The following EXOSC10 variants were observed in gnomAD, a reference collection of about 807,000 sequenced individuals.
The protein encoded by EXOSC10 is exosome component 10.
A neutral mutation model predicts 126.6 loss-of-function variants in EXOSC10; 94 were observed. That is an observed-to-expected ratio of 0.74 (90% confidence interval 0.63 to 0.88). The LOEUF (loss-of-function observed/expected upper bound fraction) is 0.88. EXOSC10 is among the 40% of genes least tolerant of loss of function. The pLI, the probability that EXOSC10 is intolerant of heterozygous loss-of-function variation, is 0.00. For synonymous variants in EXOSC10, 395 were observed against 400.8 expected, an observed-to-expected ratio of 0.99 and a Z score of 0.17; for missense variants, 1,041 against 1,100.5, an observed-to-expected ratio of 0.95 and a Z score of 0.77.
In EXOSC10 at chr1:11,077,591, G is replaced by C. The variant is rs370705414; in HGVS notation, c.1800+10C>G. On this transcript the variant is annotated intron_variant, in intron 15 of 24. Coordinates refer to ENST00000376936, the MANE Select transcript of EXOSC10 (RefSeq NM_001001998.3). ...CCCTCCTGGGGGAGAAAACAGATCC[G>C]ACACTCTACCTCAGCACTGGGCAGC... 1.2e-6 allele frequency: 2 copies of C among 1,613,758 alleles called. No individual in the cohort carries two copies. Among genetic ancestry groups the C allele is most frequent in the Non-Finnish European group, 1.7e-6 (2 of 1,179,936 alleles).
At chr1:11,090,204 G>A (rs1249065902) in intron 6 of EXOSC10, among the ~76,000 whole-genome samples, 1 of 152,060 alleles carries the variant, frequency 6.6e-6, no homozygotes, top group Non-Finnish European at 1.5e-5. Flanking sequence ...CACCATGTTG[G>A]CCAGGCTGGT....
intron 10 of EXOSC10, among the ~76,000 whole-genome samples, chr1:11,082,036 C>T (rs1231033687): frequency 2.7e-5 from 4 of 150,234 alleles, no homozygotes; most frequent in Middle Eastern, 3.4e-3. Flanking sequence ...GAGCCGAGAT[C>T]GCGCCATTGC....
chr1:11,090,791 C>A, intron 5 of EXOSC10, 123 bp from the exon 6 acceptor site: 1 of 838,544 alleles, frequency 1.2e-6, no homozygotes, highest in South Asian at 1.8e-5. Flanking sequence ...ATGTTCTGTC[C>A]CCCAGGCTGA....
At chr1:11,085,212 C>G (rs1640423298) in intron 9 of EXOSC10, among the ~76,000 whole-genome samples, 1 of 152,286 alleles carries the variant, frequency 6.6e-6, no homozygotes, top group Admixed American at 6.5e-5. Context: ...TACAAATTAC[C>G]TTGGACAGTA....
chr1:11,099,546 T>G (rs569156217), intron 1 of EXOSC10, 175 bp downstream of exon 1: 444 of 602,974 alleles, frequency 7.4e-4, no homozygotes, highest in Non-Finnish European at 1.1e-3. Flanking sequence ...CAGTGTCCGT[T>G]TCCGAGGCCC....
chr1:11,077,308 G>A, intron 16 of EXOSC10, 57 bp downstream of exon 16: 1 of 1,549,746 alleles, frequency 6.5e-7, no homozygotes, highest in Non-Finnish European at 8.8e-7. Context: ...CAGAATTTTA[G>A]ACAAGGTAGC....
intron 16 of EXOSC10, 36 bp from the exon 17 acceptor site, chr1:11,076,984 A>T: frequency 1.3e-6 from 2 of 1,537,880 alleles, no homozygotes; most frequent in Non-Finnish European, 1.8e-6. Context: ...CAAAGCCTAC[A>T]GAATTTTGTT....
chr1:11,099,399 C>T (rs540904662), intron 1 of EXOSC10, among the ~76,000 whole-genome samples: 2 of 152,114 alleles, frequency 1.3e-5, no homozygotes, highest in Admixed American at 6.5e-5. Flanking sequence ...GAGAGCTGGT[C>T]GGGTGGCTAG....
At position 11,073,950 on chromosome 1, in the gene EXOSC10, G is replaced by T. The variant is rs369390713; in HGVS notation, c.2141C>A (p.Ser714Ter). 1.3e-6 allele frequency: 2 copies of T among 1,594,634 alleles called. No homozygotes were observed. Among genetic ancestry groups the T allele is most frequent in the Non-Finnish European group, 8.6e-7 (1 of 1,166,916 alleles). Reference protein sequence around the residue: ...PVSQAAKFDPSTKIYEISNRW... With the variant: ...PVSQAAKFDP Reference sequence around the variant, plus strand: ...TCCACTTACTTCATAGATTTTGGTTGATGGATCGAACTTCGCTGCCTGAGA... The same window carrying T: ...TCCACTTACTTCATAGATTTTGGTTTATGGATCGAACTTCGCTGCCTGAGA... The change falls in exon 19 of 25, where the codon TCA becomes TAA. Residue 714 changes from serine (S) to a stop codon, truncating the protein, a stop_gained. Transcript: ENST00000376936. LOFTEE classifies it high-confidence loss of function.
At chr1:11,070,265 T>TAA (rs35601923) in intron 21 of EXOSC10, among the ~76,000 whole-genome samples, 62,587 of 100,356 alleles carry the variant, frequency 0.62, 20,439 homozygotes, top group East Asian at 0.77. Context: ...AAAAGGAAAT[T>TAA]AAAAAAAAAA....
chr1:11,096,123 A>C (rs945751824), intron 2 of EXOSC10, among the ~76,000 whole-genome samples: 7 of 152,036 alleles, frequency 4.6e-5, no homozygotes, highest in Admixed American at 3.3e-4. Flanking sequence ...AGCTGGGATT[A>C]TAGGCACATG....
chr1:11,083,562 CAAAAAAAA>C (rs35412224), intron 9 of EXOSC10, among the ~76,000 whole-genome samples: 113 of 65,872 alleles, frequency 1.7e-3, no homozygotes, highest in African/African-American at 7.1e-3. Flanking sequence ...AACTCCGTCT[CAAAAAAAA>C]AAAAAAAAAA....
chr1:11,080,379 G>T, intron 13 of EXOSC10, 120 bp downstream of exon 13: 1 of 1,260,104 alleles, frequency 7.9e-7, no homozygotes, highest in Non-Finnish European at 1.1e-6. Context: ...TACCTTCCAA[G>T]CTTGGAGCAT....
intron 1 of EXOSC10, among the ~76,000 whole-genome samples, chr1:11,099,312 A>C (rs888361673): frequency 1.3e-5 from 2 of 152,230 alleles, no homozygotes; most frequent in African/African-American, 4.8e-5. Flanking sequence ...AAACAGAGGA[A>C]GAGAAGGGCC....
Position 11,091,599 on chromosome 1 carries a change from TA to T in EXOSC10, c.373-3del. ...TGAGGCTTCATCCAGTAAAATACCC[TA>T]AGAGTAGAAGAGGTACTGGTTAAGC... is the stretch of plus-strand genomic sequence containing the variant. On this transcript the variant is annotated splice_polypyrimidine_tract_variant and splice_region_variant and intron_variant, in intron 3 of 24. Coordinates refer to ENST00000376936, the MANE Select transcript of EXOSC10 (RefSeq NM_001001998.3). 1 of 1,611,178 alleles carries T rather than the reference TA, an allele frequency of 6.2e-7. No individual in the cohort carries two copies. The highest frequency in any genetic ancestry group is 8.5e-7 in the Non-Finnish European group (1 of 1,177,412).
rs373219143 is a variant in EXOSC10 at position 11,077,636 on chromosome 1, C to T, written c.1765G>A (p.Gly589Arg). Residue 589 changes from glycine (G) to arginine (R), a missense_variant, in exon 15 of 25, where the codon GGA becomes AGA. Around this residue, in one of 3 missense-constraint regions of EXOSC10, gnomAD observed 388 missense variants for 415.2 expected, o/e 0.93. Coordinates refer to ENST00000376936, the MANE Select transcript of EXOSC10 (RefSeq NM_001001998.3). The part of the protein sequence containing the change: ...MPLLKSEVAA[G>R]VKKSGPLPSA... Reference sequence around the variant, plus strand: ...GGCAGCGGTCCGCTCTTCTTCACTCCGGCTGCAACTTCAGACTAAGGAAAA... The same window carrying T: ...GGCAGCGGTCCGCTCTTCTTCACTCTGGCTGCAACTTCAGACTAAGGAAAA... The T allele has an allele frequency of 2.8e-5, 45 of 1,610,036 alleles. No homozygotes were observed. Among genetic ancestry groups the T allele is most frequent in the African/African-American group, 4.0e-5 (3 of 74,818 alleles).
In EXOSC10 at chr1:11,099,764, T is replaced by C; in HGVS notation, c.68A>G (p.Glu23Gly). The C allele has an allele frequency of 6.2e-7, 1 of 1,612,074 alleles. No homozygotes were observed. Among genetic ancestry groups the C allele is most frequent in the Non-Finnish European group, 8.5e-7 (1 of 1,179,062 alleles). ...GTCCGGGAAGCCTGGCAGCACCATC[T>C]CTCCGTCGGATTTGGTTGCGCTGGT... ...SATSATKSDG[E>G]MVLPGFPDAD... is the part of the protein sequence containing the mutation. The change falls in exon 1 of 25, where the codon GAG (glutamate) becomes GGG (glycine). Residue 23 changes from glutamate to glycine, a missense_variant. Coordinates refer to ENST00000376936, the MANE Select transcript of EXOSC10 (RefSeq NM_001001998.3).
At position 11,087,942 on chromosome 1, in the gene EXOSC10, GAA is replaced by G. The variant is rs754432982; in HGVS notation, c.835-34_835-33del. The stretch of plus-strand genomic sequence containing the variant: ...CAAGAGAATAGTAAGAAAAAGGGAG[GAA>G]TATAGAAATCATCCCCCAGTAAAGT... On this transcript the variant is annotated intron_variant, in intron 7 of 24. Transcript: ENST00000376936. 4.9e-6 allele frequency: 7 copies of G among 1,426,118 alleles called. No homozygotes were observed. The South Asian group carries it at 8.3e-5, about 17-fold the overall frequency. The allele number at this position is 1,426,118 out of a possible 1,614,324, so 88.3% of individuals were successfully genotyped here. A position where few individuals can be genotyped will look rare whatever the true frequency, so the allele number is the denominator to read the frequency against.
At chr1:11,084,545 T>A (rs1640381587) in intron 9 of EXOSC10, among the ~76,000 whole-genome samples, 1 of 152,234 alleles carries the variant, frequency 6.6e-6, no homozygotes. Flanking sequence ...GATGAGTAGG[T>A]TGCGAAGATT....
Sources: allele counts gnomAD v4.1 joint callset (sites outside exome capture counted in the v4.1 genomes callset), GRCh38; gene constraint gnomAD v4.1.1; regional missense constraint gnomAD v4.1.1; transcripts MANE v1.5; gene names NCBI Gene and HGNC (gene_info 2026-07-23, HGNC 2026-07-21).